The following HNRNPM variants were observed in gnomAD, a reference collection of about 807,000 sequenced individuals.
HNRNPM encodes CEA receptor.
Under a neutral mutation model 73.1 loss-of-function variants are expected in HNRNPM, and 11 were observed. The ratio of observed to expected loss-of-function variants is 0.15; its 90% CI spans 0.09 to 0.25. The LOEUF is 0.25. Among genes scored for constraint, HNRNPM ranks in the 10% least tolerant of loss-of-function variants. The probability of loss-of-function intolerance (pLI) is 1.00; values close to 1 mark genes in which losing one functional copy is unlikely to be tolerated. For missense variants in HNRNPM, 789 were observed against 1,067.9 expected (o/e 0.74, Z 3.64); for synonymous variants, 407 against 355.2 (o/e 1.15, Z -1.64).
chr19:8,489,024 T>C lies in HNRNPM; in HGVS notation c.*170T>C, dbSNP rs1971518906. On this transcript the variant is annotated 3_prime_UTR_variant, in exon 16 of 16. Coordinates refer to ENST00000325495, the MANE Select transcript of HNRNPM (RefSeq NM_005968.5). Reference sequence around the variant, plus strand: ...CTGGGGTTCCATTTGACTGTTTGCATTGAGATTGCAATGTGCGCAATTTTT... The same window carrying C: ...CTGGGGTTCCATTTGACTGTTTGCACTGAGATTGCAATGTGCGCAATTTTT... 1 of 620,166 alleles carries C rather than the reference T, an allele frequency of 1.6e-6. No individual in the cohort carries two copies. Among genetic ancestry groups the C allele is most frequent in the Non-Finnish European group, 2.7e-6 (1 of 368,120 alleles). The allele number at this position is 620,166 out of a possible 1,614,324, so 38.4% of individuals were successfully genotyped here.
chr19:8,487,091 G>T lies in HNRNPM; in HGVS notation c.2029+16G>T, dbSNP rs1466626253. On this transcript the variant is annotated intron_variant, in intron 15 of 15. Transcript: ENST00000325495. ...AACGAGTGCGGTAAGTGTTGGGAAC[G>T]GCTTTGTAGGTGCTTCCCTCGTGCT... 3.7e-6 allele frequency: 6 copies of T among 1,607,666 alleles called. No individual in the cohort carries two copies. The South Asian group carries it at 6.6e-5, about 18-fold the overall frequency.
Position 8,485,730 on chromosome 19 carries a change from C to A in HNRNPM, c.1302C>A (p.Ile434=), listed in dbSNP as rs531035663. The A allele has an allele frequency of 6.2e-7, 1 of 1,606,112 alleles. No individual in the cohort carries two copies. Among genetic ancestry groups the A allele is most frequent in the African/African-American group, 1.3e-5 (1 of 74,714 alleles). ...GHGMDRVGSE[I]ERMGLVMDRM... ...GCATGGATCGCGTGGGCTCCGAGAT[C>A]GAGCGCATGGGCCTGGTCATGGACC... is the stretch of plus-strand genomic sequence containing the variant. The change falls in exon 14 of 16, where the codon ATC becomes ATA. Residue 434 remains isoleucine (I), a synonymous_variant. Coordinates refer to ENST00000325495, the MANE Select transcript of HNRNPM (RefSeq NM_005968.5).
intron 1 of HNRNPM, among the ~76,000 whole-genome samples, chr19:8,455,048 T>C (rs1440200913): frequency 1.3e-5 from 2 of 152,078 alleles, no homozygotes; most frequent in African/African-American, 4.8e-5. Flanking sequence ...GATCATAGTT[T>C]GCTGGAGCCT....
chr19:8,468,376 G>A (rs750209061), intron 8 of HNRNPM, among the ~76,000 whole-genome samples: 69 of 152,340 alleles, frequency 4.5e-4, no homozygotes, highest in Middle Eastern at 6.8e-3. Context: ...GGAACATGCT[G>A]AGGGCAGTCT....
Position 8,462,796 on chromosome 19 carries a change from T to C in HNRNPM, c.336+215T>C, listed in dbSNP as rs770592448. Among the ~76,000 whole-genome samples, 1 of 152,178 alleles carries C rather than the reference T, an allele frequency of 6.6e-6. No homozygotes were observed. Among genetic ancestry groups the C allele is most frequent in the African/African-American group, 2.4e-5 (1 of 41,444 alleles). On this transcript the variant is annotated intron_variant, in intron 3 of 15. Transcript: ENST00000325495. This position sits in a 1 kb window ranked among gnomAD's most constrained non-coding sequence, Gnocchi z 4.5. ...GGCCAAAGAGCTTTTTGGTATTCTGTTTGGATGCCCAATTTGGATAACTGG... is the reference window on the plus strand; with the variant it reads ...GGCCAAAGAGCTTTTTGGTATTCTGCTTGGATGCCCAATTTGGATAACTGG...
intron 10 of HNRNPM, among the ~76,000 whole-genome samples, chr19:8,472,761 T>G (rs983533975): frequency 1.5e-4 from 23 of 152,130 alleles, no homozygotes; most frequent in African/African-American, 5.6e-4. Context: ...TTTTTGTATT[T>G]AGTAGAGACA....
chr19:8,480,834 T>C (rs1970865243), intron 12 of HNRNPM, among the ~76,000 whole-genome samples: 1 of 152,176 alleles, frequency 6.6e-6, no homozygotes, highest in African/African-American at 2.4e-5. Context: ...GGTCACTTCA[T>C]GTGGCCACAG....
At position 8,480,338 on chromosome 19, in the gene HNRNPM, C is replaced by A. The variant is rs1195784455; in HGVS notation, c.1121-2820C>A. ...CAGCCTGGGTGACAGAGTGAGACTC[C>A]ATCTCAAAAAAAAAAAAAAAAATTA... On this transcript the variant is annotated intron_variant, in intron 12 of 15. Coordinates refer to ENST00000325495, the MANE Select transcript of HNRNPM (RefSeq NM_005968.5). 3.3e-4 allele frequency among the ~76,000 whole-genome samples: 21 copies of A among 63,612 alleles called. 1 individual carries two copies. The East Asian group carries it at 0.012, about 35-fold the overall frequency. 41.7% of individuals were successfully genotyped at this position (63,612 alleles called of 152,430 possible).
chr19:8,445,690 G>A (rs1212013036), intron 1 of HNRNPM: 1 of 152,394 alleles, frequency 6.6e-6, no homozygotes, highest in East Asian at 1.9e-4. Context: ...GCGCTCCGCG[G>A]GAAGTGCCTC....
At position 8,489,053 on chromosome 19, in the gene HNRNPM, G is replaced by A; in HGVS notation, c.*199G>A. The A allele has an allele frequency of 1.9e-6, 1 of 524,650 alleles. No homozygotes were observed. The highest frequency in any genetic ancestry group is 2.4e-5 in the South Asian group (1 of 41,022). 32.5% of individuals were successfully genotyped at this position (524,650 alleles called of 1,614,324 possible). On this transcript the variant is annotated 3_prime_UTR_variant, in exon 16 of 16. Transcript: ENST00000325495. ...GATTGCAATGTGCGCAATTTTTTTT[G>A]TAGTTGTGGCATCTTGTTGACATCG... is the stretch of plus-strand genomic sequence containing the variant.
chr19:8,487,140 C>T, intron 15 of HNRNPM, 65 bp downstream of exon 15: 1 of 1,351,468 alleles, frequency 7.4e-7, no homozygotes, highest in Non-Finnish European at 1.1e-6. Context: ...GCCGAGTCAG[C>T]AGCAAAACCT....
chr19:8,450,430 A>G lies in HNRNPM; in HGVS notation c.114-4975A>G, dbSNP rs527871384. On this transcript the variant is annotated intron_variant, in intron 1 of 15. Coordinates refer to ENST00000325495, the MANE Select transcript of HNRNPM (RefSeq NM_005968.5). ...TTTATTAGGGTTTTTTTGTTTTTTGAGATGGAGTTTCACTCTTGTCCCTCA... is the reference window on the plus strand; with the variant it reads ...TTTATTAGGGTTTTTTTGTTTTTTGGGATGGAGTTTCACTCTTGTCCCTCA... Among the ~76,000 whole-genome samples the G allele has an allele frequency of 4.6e-5, 7 of 152,150 alleles. No individual in the cohort carries two copies. In the East Asian group the frequency reaches 1.4e-3, roughly 29 times the overall value.
chr19:8,449,268 G>C (rs1228150915), intron 1 of HNRNPM, among the ~76,000 whole-genome samples: 2 of 152,160 alleles, frequency 1.3e-5, no homozygotes, highest in East Asian at 3.8e-4. Context: ...AGCCTGCAAA[G>C]ATTAGCTTGC....
At chr19:8,486,738 C>A (rs1293873981) in intron 14 of HNRNPM, among the ~76,000 whole-genome samples, 4 of 152,224 alleles carry the variant, frequency 2.6e-5, no homozygotes, top group Non-Finnish European at 5.9e-5. Flanking sequence ...CCAGCTCAGC[C>A]ACCCTTAGCC....
chr19:8,474,555 A>G (rs1338797790), intron 12 of HNRNPM, among the ~76,000 whole-genome samples: 1 of 152,098 alleles, frequency 6.6e-6, no homozygotes, highest in Non-Finnish European at 1.5e-5. Context: ...TAAAGTTTGT[A>G]ATCAAGTTTG....
chr19:8,477,082 TCTGG>T lies in HNRNPM; in HGVS notation c.1120+2842_1120+2845del, dbSNP rs371149341. Among the ~76,000 whole-genome samples, 137 of 152,324 alleles carry T rather than the reference TCTGG, an allele frequency of 9.0e-4. 5 individuals are homozygous for T. In the South Asian group the frequency reaches 0.028, roughly 31 times the overall value. On this transcript the variant is annotated intron_variant, in intron 12 of 15. Transcript: ENST00000325495. Reference sequence around the variant, plus strand: ...GCTTATTTTATTGAAAGATAGGGACTCTGGCTGTATAATGCAAGGTGTTCATTAC... The same window carrying T: ...GCTTATTTTATTGAAAGATAGGGACTCTGTATAATGCAAGGTGTTCATTAC...
rs1969455166 is a variant in HNRNPM, at chr19:8,462,267, G to C, written c.284-262G>C. 2.2e-6 allele frequency: 1 copy of C among 445,330 alleles called. No homozygotes were observed. The highest frequency in any genetic ancestry group is 2.0e-5 in the African/African-American group (1 of 51,100). The allele number at this position is 445,330 out of a possible 1,614,324, so 27.6% of individuals were successfully genotyped here. On this transcript the variant is annotated intron_variant, in intron 2 of 15. Transcript: ENST00000325495. This position sits in a 1 kb window ranked among gnomAD's most constrained non-coding sequence, Gnocchi z 4.5. The stretch of plus-strand genomic sequence containing the variant: ...CCTCTAGTCATGAATGAGTCTTCCA[G>C]ACAGGGAAATTGATACGGAAATCTG...
Position 8,467,603 on chromosome 19 carries a change from T to G in HNRNPM, c.834+19T>G. 6.4e-7 allele frequency: 1 copy of G among 1,573,206 alleles called. No individual in the cohort carries two copies. The highest frequency in any genetic ancestry group is 1.7e-4 in the Middle Eastern group (1 of 5,936). ...CAAGATGGTAAGTCAGTAGGATCTT[T>G]CTCTGTGATATACTCAAGTCTAGCA... is the stretch of plus-strand genomic sequence containing the variant. On this transcript the variant is annotated intron_variant, in intron 8 of 15. Coordinates refer to ENST00000325495, the MANE Select transcript of HNRNPM (RefSeq NM_005968.5).
At chr19:8,450,783 G>A (rs917254755) in intron 1 of HNRNPM, among the ~76,000 whole-genome samples, 3 of 150,132 alleles carry the variant, frequency 2.0e-5, no homozygotes, top group African/African-American at 7.4e-5. Context: ...GGAGTGCAGT[G>A]GCGCTATCTC....
Sources: gnomAD v4.1 joint callset for allele counts (sites outside exome capture counted in the v4.1 genomes callset) on GRCh38, gnomAD v4.1.1 for gene constraint, Gnocchi (gnomAD v3.1) non-coding constraint, MANE v1.5 for transcripts, NCBI Gene and HGNC (gene_info 2026-07-23, HGNC 2026-07-21) for gene names.